Variants in BICD1 observed in about 807,000 individuals in gnomAD.
BICD1 encodes BICD cargo adaptor 1, also known as protein bicaudal D homolog 1.
Under a neutral mutation model 92.5 loss-of-function variants are expected in BICD1, and 35 were observed. The observed-to-expected ratio is 0.38, with a 90% confidence interval of 0.29 to 0.50. The LOEUF (loss-of-function observed/expected upper bound fraction) is 0.50, where lower values mean the gene tolerates loss of function less well. Ranked by LOEUF, BICD1 falls within the 20% of genes least tolerant of loss-of-function variation. BICD1 has a pLI of 0.93. For synonymous variants in BICD1, 429 were observed against 465.1 expected (o/e 0.92, Z 1.00); for missense variants, 950 against 1,189.8 (o/e 0.80, Z 2.97).
chr12:32,332,547 A>G, intron 5 of BICD1: 1 of 700,820 alleles, frequency 1.4e-6, no homozygotes, highest in Non-Finnish European at 1.8e-6. Context: ...AGACTAACAC[A>G]TGGTCCCTGC....
chr12:32,335,971 A>C (rs527890021), intron 6 of BICD1, among the ~76,000 whole-genome samples: 1 of 152,208 alleles, frequency 6.6e-6, no homozygotes, highest in Non-Finnish European at 1.5e-5. Context: ...AGATTTAGTA[A>C]ATAATTTACA....
intron 2 of BICD1, among the ~76,000 whole-genome samples, chr12:32,289,839 A>G (rs942203505): frequency 1.3e-5 from 2 of 152,200 alleles, no homozygotes; most frequent in African/African-American, 4.8e-5. Context: ...ACAGAAGCCC[A>G]TTTTTTTGTT....
At chr12:32,332,180 A>T (rs1937906998) in intron 5 of BICD1, among the ~76,000 whole-genome samples, 1 of 152,154 alleles carries the variant, frequency 6.6e-6, no homozygotes, top group South Asian at 2.1e-4. Context: ...ATGAGAGCAA[A>T]TAGACACATA....
intron 8 of BICD1, 112 bp downstream of exon 8, chr12:32,339,091 T>A (rs1938253978): frequency 7.3e-7 from 1 of 1,370,814 alleles, no homozygotes; most frequent in Admixed American, 4.0e-5. Flanking sequence ...TTTGATGATG[T>A]GTAAATTCCT....
intron 1 of BICD1, among the ~76,000 whole-genome samples, chr12:32,141,771 G>T (rs1242569110): frequency 1.3e-5 from 2 of 152,174 alleles, no homozygotes; most frequent in African/African-American, 4.8e-5. Context: ...ACCGCGCCTG[G>T]CCTGGACACC....
intron 3 of BICD1, among the ~76,000 whole-genome samples, chr12:32,298,587 G>A (rs1240481562): frequency 6.6e-4 from 28 of 42,496 alleles, no homozygotes; most frequent in East Asian, 7.6e-4. Flanking sequence ...AAAAAAAAAA[G>A]AGGCTGGGCA....
At chr12:32,150,030 A>G (rs1489025042) in intron 1 of BICD1, among the ~76,000 whole-genome samples, 2 of 152,236 alleles carry the variant, frequency 1.3e-5, no homozygotes, top group Non-Finnish European at 2.9e-5. Context: ...TACATCTTAC[A>G]TGGCAGCAGG....
chr12:32,241,830 A>AT lies in BICD1; in HGVS notation c.426+25380dup, dbSNP rs528873463. Among the ~76,000 whole-genome samples, 132 of 151,790 alleles carry AT rather than the reference A, an allele frequency of 8.7e-4. No homozygotes were observed. In the Middle Eastern group the frequency reaches 0.014, roughly 16 times the overall value. On this transcript the variant is annotated intron_variant, in intron 2 of 9. Transcript: ENST00000652176. ...GGCCAGATAGGACCTAGGCACCTGA[A>AT]TTTTTTTTTAAACTAGATTTCCAGG...
intron 2 of BICD1, among the ~76,000 whole-genome samples, chr12:32,241,026 C>T (rs1332161923): frequency 6.6e-6 from 1 of 152,144 alleles, no homozygotes; most frequent in East Asian, 1.9e-4. Flanking sequence ...TGAGTCACTC[C>T]AAGGTCAGAC....
At chr12:32,168,668 A>C (rs1375493681) in intron 1 of BICD1, among the ~76,000 whole-genome samples, 1 of 152,200 alleles carries the variant, frequency 6.6e-6, no homozygotes, top group African/African-American at 2.4e-5. Flanking sequence ...TCCACTGTGT[A>C]TCCAAAGTTG....
chr12:32,214,312 G>A (rs1040629040), intron 1 of BICD1, among the ~76,000 whole-genome samples: 4 of 152,140 alleles, frequency 2.6e-5, no homozygotes, highest in Admixed American at 2.6e-4. Flanking sequence ...TGCTGGATAT[G>A]CTCATTGCTA....
chr12:32,300,674 A>T (rs1233836022), intron 3 of BICD1, among the ~76,000 whole-genome samples: 1 of 111,046 alleles, frequency 9.0e-6, no homozygotes, highest in Non-Finnish European at 1.7e-5. Context: ...GACAGAGTCC[A>T]GCTCTTTTGC....
intron 1 of BICD1, among the ~76,000 whole-genome samples, chr12:32,166,942 G>T (rs1022279077): frequency 1.3e-5 from 2 of 152,146 alleles, no homozygotes; most frequent in Non-Finnish European, 2.9e-5. Flanking sequence ...CCCAATAAGT[G>T]GTAGCTAGTA....
intron 8 of BICD1, among the ~76,000 whole-genome samples, chr12:32,364,065 T>C (rs12580872): frequency 0.037 from 5,643 of 152,250 alleles, 320 homozygotes; most frequent in East Asian, 0.28. Flanking sequence ...TAGTTGCTTA[T>C]TAAATATGCT....
chr12:32,293,691 C>T (rs1947783917), intron 2 of BICD1, among the ~76,000 whole-genome samples: 1 of 152,032 alleles, frequency 6.6e-6, no homozygotes, highest in South Asian at 2.1e-4. Flanking sequence ...TAATGTGTTC[C>T]CCAAATAGCA....
At chr12:32,287,888 C>T (rs930643994) in intron 2 of BICD1, among the ~76,000 whole-genome samples, 3 of 152,180 alleles carry the variant, frequency 2.0e-5, no homozygotes, top group Non-Finnish European at 4.4e-5. Context: ...TGGTTGCAGT[C>T]ATCTGACAGC....
rs1938207948 is a variant in BICD1, at chr12:32,338,000, A to T, written c.2570+184A>T. 1.6e-6 allele frequency: 1 copy of T among 616,342 alleles called. No individual in the cohort carries two copies. 38.2% of individuals were successfully genotyped at this position (616,342 alleles called of 1,614,324 possible). ...CAAAACCTTTTTGATAATTGTGTTTATGTAGTCCTTTCTAACCCCCTGCCC... is the reference window on the plus strand; with the variant it reads ...CAAAACCTTTTTGATAATTGTGTTTTTGTAGTCCTTTCTAACCCCCTGCCC... On this transcript the variant is annotated intron_variant, in intron 7 of 9. Transcript: ENST00000652176. The surrounding 1 kb of genome is among the most constrained non-coding windows in gnomAD (Gnocchi z 4.7).
chr12:32,312,546 A>G (rs983376801), intron 4 of BICD1, among the ~76,000 whole-genome samples: 1 of 152,246 alleles, frequency 6.6e-6, no homozygotes, highest in Admixed American at 6.5e-5. Context: ...AATTATAAAA[A>G]GTATGGGAAA....
At position 32,285,657 on chromosome 12, in the gene BICD1, TC is replaced by T. The variant is rs140751391; in HGVS notation, c.427-8334del. On this transcript the variant is annotated intron_variant, in intron 2 of 9. Coordinates refer to ENST00000652176, the MANE Select transcript of BICD1 (RefSeq NM_001714.4). ...CAATGCAAATAATGAGGTGACTCTA[TC>T]CCTGCCATCTCAGGCTAATCCCCTC... Among the ~76,000 whole-genome samples the T allele has an allele frequency of 7.7e-3, 1,172 of 152,318 alleles. 15 individuals are homozygous for T. Among genetic ancestry groups the T allele is most frequent in the African/African-American group, 0.027 (1,122 of 41,566 alleles).
Sources: allele counts gnomAD v4.1 joint callset (sites outside exome capture counted in the v4.1 genomes callset), GRCh38; gene constraint gnomAD v4.1.1; non-coding constraint Gnocchi (gnomAD v3.1); transcripts MANE v1.5; gene names NCBI Gene and HGNC (gene_info 2026-07-23, HGNC 2026-07-21).